The following USH2A variants were observed in gnomAD, a reference collection of about 807,000 sequenced individuals.
USH2A encodes the protein Usher syndrome 2A (autosomal recessive, mild).
In USH2A, 443 loss-of-function variants were observed where a neutral mutation model predicts 538.9. The ratio of observed to expected loss-of-function variants is 0.82; its 90% confidence interval spans 0.76 to 0.89. USH2A has a LOEUF of 0.89. Ranked by LOEUF, USH2A falls within the 40% of genes least tolerant of loss-of-function variation. USH2A has a pLI of 0.00. For missense variants in USH2A, 6,633 were observed against 6,324.8 expected (o/e 1.05, Z -1.65); for synonymous variants, 2,413 against 2,273.5 (o/e 1.06, Z -1.75).
intron 58 of USH2A, among the ~76,000 whole-genome samples, chr1:215,757,440 T>C (rs1488615218): frequency 6.6e-6 from 1 of 152,212 alleles, no homozygotes; most frequent in Non-Finnish European, 1.5e-5. Flanking sequence ...GTTAATTATG[T>C]TATGGAATGG....
chr1:215,834,819 G>A (rs1462946113), intron 47 of USH2A, among the ~76,000 whole-genome samples: 1 of 149,190 alleles, frequency 6.7e-6, no homozygotes, highest in Non-Finnish European at 1.5e-5. Context: ...CTCTTTTGAA[G>A]CTCTTATTAT....
At chr1:216,298,367 TA>T (rs1463618625) in intron 9 of USH2A, among the ~76,000 whole-genome samples, 1 of 152,336 alleles carries the variant, frequency 6.6e-6, no homozygotes, top group South Asian at 2.1e-4. Flanking sequence ...TTATAATCTT[TA>T]AAAAATCTAA....
chr1:215,731,376 A>G lies in USH2A; in HGVS notation c.11712-2992T>C, dbSNP rs573069274. On this transcript the variant is annotated intron_variant, in intron 60 of 71. Transcript: ENST00000307340. ...CTTTATGTCTGAATACATTTAGAGC[A>G]GAAGTGGTTGAGTAGACCACAATTA... Among the ~76,000 whole-genome samples the G allele has an allele frequency of 8.5e-5, 13 of 152,368 alleles. No homozygotes were observed. In the South Asian group the frequency reaches 2.7e-3, roughly 32 times the overall value.
intron 3 of USH2A, among the ~76,000 whole-genome samples, chr1:216,416,411 G>A (rs1329627163): frequency 1.3e-5 from 2 of 151,992 alleles, no homozygotes; most frequent in Non-Finnish European, 2.9e-5. Flanking sequence ...GCCTAGTTCT[G>A]TAGTTTTAAT....
chr1:216,290,418 A>T (rs994953193), intron 10 of USH2A, among the ~76,000 whole-genome samples: 9 of 152,188 alleles, frequency 5.9e-5, no homozygotes, highest in African/African-American at 2.2e-4. Flanking sequence ...TTTATGAATT[A>T]ATGAATATTT....
chr1:215,886,909 G>A (rs144545541), intron 41 of USH2A, among the ~76,000 whole-genome samples: 1 of 152,016 alleles, frequency 6.6e-6, no homozygotes, highest in African/African-American at 2.4e-5. Context: ...CCAGGCTGGA[G>A]TGCAGTGGCA....
chr1:216,204,851 A>G (rs1378920129), intron 16 of USH2A, among the ~76,000 whole-genome samples: 2 of 152,184 alleles, frequency 1.3e-5, no homozygotes, highest in Non-Finnish European at 2.9e-5. Context: ...TAATTTTCAC[A>G]TCATTAATTA....
At chr1:215,967,016 T>G (rs1165234464) in intron 36 of USH2A, among the ~76,000 whole-genome samples, 1 of 152,218 alleles carries the variant, frequency 6.6e-6, no homozygotes, top group Non-Finnish European at 1.5e-5. Flanking sequence ...TTTACTTTTT[T>G]GTTTATCTAC....
At chr1:215,641,645 T>G (rs1371666465) in intron 67 of USH2A, among the ~76,000 whole-genome samples, 2 of 152,192 alleles carry the variant, frequency 1.3e-5, no homozygotes, top group Non-Finnish European at 2.9e-5. Context: ...TGTAAAAACA[T>G]TAAGATTCAC....
chr1:216,151,242 C>A (rs2033825574), intron 21 of USH2A, among the ~76,000 whole-genome samples: 1 of 152,008 alleles, frequency 6.6e-6, no homozygotes, highest in Admixed American at 6.6e-5. Context: ...TACAAGACAC[C>A]CCTTTCAGCA....
Position 215,885,009 on chromosome 1 carries a change from AAG to A in USH2A, c.8223+3415_8223+3416del, listed in dbSNP as rs776567461. On this transcript the variant is annotated intron_variant, in intron 41 of 71. Coordinates refer to ENST00000307340, the MANE Select transcript of USH2A (RefSeq NM_206933.4). ...TTACAGGCTCATGATGTTATCATAA[AAG>A]AAGTTTTTTTTTTCTTTTTTTTGGT... Among the ~76,000 whole-genome samples the A allele has an allele frequency of 5.9e-5, 9 of 152,298 alleles. No individual in the cohort carries two copies. In the South Asian group the frequency reaches 1.7e-3, roughly 28 times the overall value.
At chr1:216,279,105 A>G (rs1296002095) in intron 11 of USH2A, among the ~76,000 whole-genome samples, 2 of 151,976 alleles carry the variant, frequency 1.3e-5, no homozygotes, top group East Asian at 3.9e-4. Context: ...TTAATCATTT[A>G]TTTCTGTTCT....
rs181285314 is a variant in USH2A at position 215,965,382 on chromosome 1, G to C, written c.7055C>G (p.Pro2352Arg). The change falls in exon 37 of 72, where the codon CCT becomes CGT. Residue 2352 changes from proline to arginine, a missense_variant. Transcript: ENST00000307340. ...SRKAHVRWEA[P>R]FRPNGLLTHS... The stretch of plus-strand genomic sequence containing the variant: ...TGTTAAGAGTCCATTAGGGCGAAAA[G>C]GTGCTTCCCACCTCACGTGGGCTTT... 6.2e-7 allele frequency: 1 copy of C among 1,613,914 alleles called. No individual in the cohort carries two copies. Among genetic ancestry groups the C allele is most frequent in the East Asian group, 2.2e-5 (1 of 44,880 alleles).
intron 3 of USH2A, among the ~76,000 whole-genome samples, chr1:216,403,171 A>G (rs1184980537): frequency 6.6e-6 from 1 of 152,190 alleles, no homozygotes; most frequent in Non-Finnish European, 1.5e-5. Flanking sequence ...TTAATAGACT[A>G]AAGAAGAAAA....
At chr1:215,750,068 T>C (rs988992389) in intron 58 of USH2A, among the ~76,000 whole-genome samples, 6 of 152,312 alleles carry the variant, frequency 3.9e-5, no homozygotes, top group Middle Eastern at 3.4e-3. Context: ...AAGTCTTTTT[T>C]TAGGAGCTGG....
intron 35 of USH2A, among the ~76,000 whole-genome samples, chr1:215,978,059 C>G (rs1282155047): frequency 6.6e-6 from 1 of 152,044 alleles, no homozygotes; most frequent in African/African-American, 2.4e-5. Flanking sequence ...CCCAGGAGGT[C>G]GAGGCTGCAG....
chr1:216,313,473 C>A (rs2037457012), intron 9 of USH2A, among the ~76,000 whole-genome samples: 1 of 152,166 alleles, frequency 6.6e-6, no homozygotes, highest in Admixed American at 6.5e-5. Context: ...GAGTTTACCC[C>A]TTCCCTTTAA....
chr1:215,634,758 ATC>A, intron 69 of USH2A, 55 bp from the exon 70 acceptor site: 1 of 1,613,804 alleles, frequency 6.2e-7, no homozygotes. Flanking sequence ...CATTTTTGTC[ATC>A]TCTGGCCCTG....
chr1:216,278,179 A>G (rs1439652629), intron 11 of USH2A, among the ~76,000 whole-genome samples: 1 of 152,044 alleles, frequency 6.6e-6, no homozygotes, highest in Non-Finnish European at 1.5e-5. Flanking sequence ...TGCCTGAGGT[A>G]TTGGTATTTG....
Sources: allele counts gnomAD v4.1 joint callset (sites outside exome capture counted in the v4.1 genomes callset), GRCh38; gene constraint gnomAD v4.1.1; transcripts MANE v1.5; gene names NCBI Gene and HGNC (gene_info 2026-07-23, HGNC 2026-07-21).